The following OR3A2 variants were observed in gnomAD, a reference collection of about 807,000 sequenced individuals.
OR3A2 encodes the protein olfactory receptor family 3 subfamily A member 2, also known as olfactory receptor 3A2.
For missense variants in OR3A2, 318 were observed against 392.8 expected (o/e 0.81, Z 1.61); for synonymous variants, 126 against 159.3 (o/e 0.79, Z 1.57).
intron 2 of OR3A2, among the ~76,000 whole-genome samples, chr17:3,367,605 A>ATATAT (rs1567569795): frequency 2.1e-5 from 3 of 144,364 alleles, no homozygotes; most frequent in Admixed American, 6.9e-5. Flanking sequence ...GTGTGTGTAT[A>ATATAT]TATATATATA....
chr17:3,315,229 T>C (rs900933849), intron 3 of OR3A2, among the ~76,000 whole-genome samples: 4 of 152,228 alleles, frequency 2.6e-5, no homozygotes, highest in African/African-American at 9.6e-5. Context: ...GGTCAAATAA[T>C]AGCTCTGTTT....
chr17:3,282,159 A>T (rs1457668780), intron 1 of OR3A2, among the ~76,000 whole-genome samples: 3 of 152,176 alleles, frequency 2.0e-5, no homozygotes. Flanking sequence ...TCACACCTGT[A>T]ATCCCAGCAC....
intron 2 of OR3A2, among the ~76,000 whole-genome samples, chr17:3,352,559 T>C (rs2049429489): frequency 6.6e-6 from 1 of 151,452 alleles, no homozygotes; most frequent in African/African-American, 2.4e-5. Context: ...ATGAGTTCAC[T>C]GTAGGAGTGT....
chr17:3,313,320 T>C (rs1459146599), intron 3 of OR3A2, among the ~76,000 whole-genome samples: 4 of 152,170 alleles, frequency 2.6e-5, no homozygotes, highest in African/African-American at 9.7e-5. Flanking sequence ...GTATCCACAG[T>C]TATTCTCCAC....
Position 3,292,050 on chromosome 17 carries a change from T to C in OR3A2, c.-84-12897A>G, listed in dbSNP as rs755025069. ...CTGTGGGAGGTCACAGTAGAAGTGA[T>C]TGATCACATTGGGGCCACAGAAGTT... is the stretch of plus-strand genomic sequence containing the variant. On this transcript the variant is annotated intron_variant, in intron 3 of 4. Transcript: ENST00000573491. The C allele has an allele frequency of 3.4e-5, 55 of 1,614,038 alleles. No homozygotes were observed. The highest frequency in any genetic ancestry group is 1.3e-4 in the African/African-American group (10 of 74,916).
At chr17:3,364,093 A>G (rs2049542782) in intron 2 of OR3A2, among the ~76,000 whole-genome samples, 1 of 152,238 alleles carries the variant, frequency 6.6e-6, no homozygotes, top group African/African-American at 2.4e-5. Context: ...ATATAAATGT[A>G]TGTGTAGAAA....
intron 2 of OR3A2, among the ~76,000 whole-genome samples, chr17:3,362,716 C>T (rs2049528792): frequency 6.6e-6 from 1 of 151,572 alleles, no homozygotes; most frequent in African/African-American, 2.4e-5. Context: ...CCACATTTCC[C>T]CTCAGCACTC....
chr17:3,385,925 A>G (rs1164105793), intron 1 of OR3A2, 200 bp downstream of exon 1: 2 of 398,214 alleles, frequency 5.0e-6, no homozygotes, highest in Non-Finnish European at 8.9e-6. Flanking sequence ...CTGTCAGTCC[A>G]CTCCATGGCT....
chr17:3,362,785 C>G (rs2049529258), intron 2 of OR3A2, among the ~76,000 whole-genome samples: 1 of 151,776 alleles, frequency 6.6e-6, no homozygotes, highest in Admixed American at 6.6e-5. Context: ...ACCTGGACAT[C>G]CAGATGTTTC....
chr17:3,307,647 G>C (rs1290820927), intron 3 of OR3A2, among the ~76,000 whole-genome samples: 3 of 152,164 alleles, frequency 2.0e-5, no homozygotes, highest in Non-Finnish European at 2.9e-5. Flanking sequence ...TTTGAGCCAG[G>C]ATGCTACAGG....
At chr17:3,302,839 T>C (rs1394296398) in intron 3 of OR3A2, among the ~76,000 whole-genome samples, 2 of 152,188 alleles carry the variant, frequency 1.3e-5, no homozygotes, top group Admixed American at 6.5e-5. Context: ...TCCAATGTCA[T>C]GCTCATTCTG....
chr17:3,337,943 C>A (rs2072184390), intron 2 of OR3A2, among the ~76,000 whole-genome samples: 1 of 152,144 alleles, frequency 6.6e-6, no homozygotes, highest in Non-Finnish European at 1.5e-5. Flanking sequence ...CCTGTTGTTT[C>A]CTAACTTTTT....
At chr17:3,372,669 C>A (rs1199096978) in intron 2 of OR3A2, among the ~76,000 whole-genome samples, 1 of 152,088 alleles carries the variant, frequency 6.6e-6, no homozygotes, top group African/African-American at 2.4e-5. Flanking sequence ...CAAAAAAATA[C>A]GAAAACCAGT....
chr17:3,310,916 G>A (rs769753979), intron 3 of OR3A2: 1 of 665,520 alleles, frequency 1.5e-6, no homozygotes, highest in Non-Finnish European at 2.7e-6. Flanking sequence ...GGCAGTTGCT[G>A]TTTGTAGCAG....
intron 2 of OR3A2, among the ~76,000 whole-genome samples, chr17:3,354,646 CTCT>C (rs754626197): frequency 6.6e-6 from 1 of 151,198 alleles, no homozygotes; most frequent in Non-Finnish European, 1.5e-5. Context: ...TTGGTCTTCT[CTCT>C]TTTTTTCTTA....
chr17:3,335,994 G>A (rs936768591), intron 3 of OR3A2, 35 bp downstream of exon 2: 2 of 152,228 alleles, frequency 1.3e-5, no homozygotes, highest in African/African-American at 2.4e-5. Context: ...ATTTACTCAC[G>A]CAACTCCTTT....
At chr17:3,279,203 T>G (rs1349508461) in intron 1 of OR3A2, 50 bp from the exon 4 acceptor site, 3 of 519,690 alleles carry the variant, frequency 5.8e-6, no homozygotes, top group Admixed American at 7.3e-5. Context: ...CATTCAGGAT[T>G]TTTGCTGAGT....
intron 3 of OR3A2, among the ~76,000 whole-genome samples, chr17:3,313,634 C>T (rs773992980): frequency 3.5e-4 from 54 of 152,248 alleles, no homozygotes; most frequent in East Asian, 1.9e-4. Flanking sequence ...CTTTCAACCA[C>T]GGGTGCTCAC....
intron 2 of OR3A2, among the ~76,000 whole-genome samples, chr17:3,340,159 CTCT>C (rs756557266): frequency 2.7e-5 from 4 of 150,542 alleles, no homozygotes; most frequent in Admixed American, 1.3e-4. Context: ...TGATTCTTCT[CTCT>C]TCTTATTAGT....
Sources: gnomAD v4.1 joint callset for allele counts (sites outside exome capture counted in the v4.1 genomes callset) on GRCh38, gnomAD v4.1.1 for gene constraint, MANE v1.5 for transcripts, NCBI Gene and HGNC (gene_info 2026-07-23, HGNC 2026-07-21) for gene names.